The following MTOR variants were observed in gnomAD, a reference collection of about 807,000 sequenced individuals.
The protein encoded by MTOR is serine/threonine-protein kinase mTOR.
In MTOR, 70 loss-of-function variants were observed where a neutral mutation model predicts 319.8. The observed-to-expected ratio is 0.22, with a 90% CI of 0.18 to 0.27. MTOR has a LOEUF of 0.27. MTOR is among the 10% of genes least tolerant of loss of function. The probability of loss-of-function intolerance (pLI) is 1.00; values close to 1 mark genes in which losing one functional copy is unlikely to be tolerated. For synonymous variants in MTOR, 1,183 were observed against 1,211.4 expected (o/e 0.98, Z 0.49); for missense variants, 1,890 against 3,274.4 (o/e 0.58, Z 10.32).
In MTOR at chr1:11,259,237, C is replaced by G. The variant is rs530962064; in HGVS notation, c.162+11G>C. On this transcript the variant is annotated intron_variant, in intron 2 of 57. Coordinates refer to ENST00000361445, the MANE Select transcript of MTOR (RefSeq NM_004958.4). ...CATCCCACAATGACTGGCCCCAGAT[C>G]CCAGAAGCACCTCTCGGAGTTCCAT... The G allele has an allele frequency of 6.2e-7, 1 of 1,612,678 alleles. No individual in the cohort carries two copies. The highest frequency in any genetic ancestry group is 8.5e-7 in the Non-Finnish European group (1 of 1,179,490).
chr1:11,141,706 G>T (rs1643713918), intron 34 of MTOR, among the ~76,000 whole-genome samples: 1 of 149,542 alleles, frequency 6.7e-6, no homozygotes, highest in Non-Finnish European at 1.5e-5. Flanking sequence ...AAGAAAAAAG[G>T]CGGGGCACGG....
intron 19 of MTOR, among the ~76,000 whole-genome samples, chr1:11,221,192 G>A (rs538881563): frequency 4.9e-4 from 74 of 151,994 alleles, no homozygotes; most frequent in Middle Eastern, 3.4e-3. Flanking sequence ...ACGGGGTTTC[G>A]TCATGTTGGC....
intron 1 of MTOR, among the ~76,000 whole-genome samples, chr1:11,259,711 G>C (rs932021186): frequency 6.6e-6 from 1 of 152,158 alleles, no homozygotes; most frequent in Non-Finnish European, 1.5e-5. Flanking sequence ...GGGAGGCTGA[G>C]CCTGGAGGAC....
At chr1:11,164,334 G>GAAAAAAAAAA (rs547043272) in intron 29 of MTOR, among the ~76,000 whole-genome samples, 1 of 60,152 alleles carries the variant, frequency 1.7e-5, no homozygotes, top group Non-Finnish European at 3.6e-5. Flanking sequence ...GACTCTGCCT[G>GAAAAAAAAAA]AAAAAAAAAA....
chr1:11,161,253 G>A lies in MTOR; in HGVS notation c.4330-3962C>T, dbSNP rs544879572. On this transcript the variant is annotated intron_variant, in intron 29 of 57. Transcript: ENST00000361445. ...GGCTGGCGGAGGGGTGCCCACCATT[G>A]CTGAGGCTTGAGTAGGTAAACAAAG... Among the ~76,000 whole-genome samples the A allele has an allele frequency of 3.9e-4, 59 of 152,330 alleles. No individual in the cohort carries two copies. The South Asian group carries it at 0.011, about 27-fold the overall frequency.
intron 28 of MTOR, among the ~76,000 whole-genome samples, chr1:11,168,944 G>A (rs1297900176): frequency 6.6e-6 from 1 of 152,210 alleles, no homozygotes; most frequent in African/African-American, 2.4e-5. Flanking sequence ...GATTATATCT[G>A]TTTAAAGGTA....
chr1:11,252,178 T>A (rs1361040996), intron 6 of MTOR, among the ~76,000 whole-genome samples: 2 of 152,250 alleles, frequency 1.3e-5, no homozygotes, highest in Non-Finnish European at 2.9e-5. Flanking sequence ...ATCTCTATGT[T>A]AGTTATAACA....
intron 6 of MTOR, among the ~76,000 whole-genome samples, chr1:11,249,377 CTT>C (rs371714190): frequency 1.4e-5 from 2 of 147,140 alleles, no homozygotes; most frequent in Non-Finnish European, 3.0e-5. Flanking sequence ...ACCAGTGAGT[CTT>C]TTTTTTTTTG....
chr1:11,251,372 T>C (rs1039143308), intron 6 of MTOR, among the ~76,000 whole-genome samples: 3 of 152,200 alleles, frequency 2.0e-5, no homozygotes, highest in African/African-American at 7.2e-5. Flanking sequence ...TGTGCTCAAA[T>C]AGCACCGTGT....
At chr1:11,258,927 C>A (rs537331121) in intron 2 of MTOR, among the ~76,000 whole-genome samples, 1 of 152,252 alleles carries the variant, frequency 6.6e-6, no homozygotes, top group African/African-American at 2.4e-5. Flanking sequence ...TCTCAACTCT[C>A]CAAACCCATC....
chr1:11,174,249 A>G (rs974834150), intron 28 of MTOR, among the ~76,000 whole-genome samples: 3 of 152,196 alleles, frequency 2.0e-5, no homozygotes, highest in Non-Finnish European at 2.9e-5. Flanking sequence ...TGGCATCAGT[A>G]GGCACCCAGG....
chr1:11,167,760 G>A (rs1336366668), intron 28 of MTOR, among the ~76,000 whole-genome samples: 31 of 152,206 alleles, frequency 2.0e-4, no homozygotes, highest in Admixed American at 2.0e-3. Flanking sequence ...TTGCTGCTCT[G>A]TGGCCCTTCC....
At chr1:11,208,149 G>C (rs1401264762) in intron 25 of MTOR, among the ~76,000 whole-genome samples, 2 of 152,200 alleles carry the variant, frequency 1.3e-5, no homozygotes, top group Admixed American at 1.3e-4. Flanking sequence ...TGTCAGCAGG[G>C]TGGCCTCAAT....
intron 28 of MTOR, among the ~76,000 whole-genome samples, chr1:11,186,662 C>A (rs746336833): frequency 3.9e-5 from 6 of 152,192 alleles, no homozygotes; most frequent in Non-Finnish European, 7.3e-5. Flanking sequence ...TCAGAGAAGG[C>A]AATACCATTT....
At position 11,183,226 on chromosome 1, in the gene MTOR, T is replaced by C. The variant is rs184240022; in HGVS notation, c.4254-15709A>G. ...TTCCATAATGACTAATGAGATGGGA[T>C]AGCTTTTCATGTATTTATAAGCCTT... On this transcript the variant is annotated intron_variant, in intron 28 of 57. Coordinates refer to ENST00000361445, the MANE Select transcript of MTOR (RefSeq NM_004958.4). Among the ~76,000 whole-genome samples the C allele has an allele frequency of 3.5e-3, 537 of 152,348 alleles. 6 individuals carry two copies. Among genetic ancestry groups the C allele is most frequent in the African/African-American group, 0.012 (508 of 41,586 alleles).
intron 8 of MTOR, 44 bp downstream of exon 8, chr1:11,247,581 T>C (rs1649016110): frequency 6.4e-7 from 1 of 1,553,330 alleles, no homozygotes; most frequent in Non-Finnish European, 8.9e-7. Context: ...CTGTTCCCTG[T>C]TTACCCTGAG....
chr1:11,242,407 G>A (rs534216937), intron 9 of MTOR, among the ~76,000 whole-genome samples: 2 of 148,668 alleles, frequency 1.3e-5, no homozygotes, highest in African/African-American at 4.9e-5. Context: ...GGCTGAGGCA[G>A]GAGAATCGCT....
Position 11,114,825 on chromosome 1 carries a change from G to T in MTOR, c.7152C>A (p.Thr2384=). 6.2e-7 allele frequency: 1 copy of T among 1,614,018 alleles called. No individual in the cohort carries two copies. Among genetic ancestry groups the T allele is most frequent in the South Asian group, 1.1e-5 (1 of 91,070 alleles). Residue 2384 remains threonine, a synonymous_variant, in exon 52 of 58, where the codon ACC becomes ACA. Transcript: ENST00000361445. The stretch of plus-strand genomic sequence containing the variant: ...GATATCCACTCACCTCCATAGCATT[G>T]GTCAACATTCTTGTTAGTCTAAATG... ...KIPFRLTRML[T]NAMEVTGLDG... is the part of the protein sequence containing the mutation.
Position 11,128,347 on chromosome 1 carries a change from G to T in MTOR, c.5910+107C>A. 1.5e-6 allele frequency: 2 copies of T among 1,303,166 alleles called. No homozygotes were observed. The highest frequency in any genetic ancestry group is 2.2e-6 in the Non-Finnish European group (2 of 916,986). 80.7% of individuals were successfully genotyped at this position (1,303,166 alleles called of 1,614,324 possible). On this transcript the variant is annotated intron_variant, in intron 42 of 57. Transcript: ENST00000361445. The surrounding 1 kb of genome is among the most constrained non-coding windows in gnomAD (Gnocchi z 5.3). ...GGACAGACCCTCCTGGGCCAGGATG[G>T]AACACATGGCTCCCAGTTCCTGCGC...
Sources: allele counts gnomAD v4.1 joint callset (sites outside exome capture counted in the v4.1 genomes callset), GRCh38; gene constraint gnomAD v4.1.1; non-coding constraint Gnocchi (gnomAD v3.1); transcripts MANE v1.5; gene names NCBI Gene and HGNC (gene_info 2026-07-23, HGNC 2026-07-21).